The following SLC19A1 variants were observed in gnomAD, a reference collection of about 807,000 sequenced individuals.
The protein encoded by SLC19A1 is solute carrier family 19 member 1, also known as reduced folate transporter.
In SLC19A1, 37 loss-of-function variants were observed where a neutral mutation model predicts 35.3. The ratio of observed to expected loss-of-function variants is 1.05; its 90% confidence interval spans 0.81 to 1.38. The LOEUF (loss-of-function observed/expected upper bound fraction) is 1.38. Among genes scored for constraint, SLC19A1 ranks in the 40% most tolerant of loss-of-function variants. The probability of loss-of-function intolerance (pLI) is 0.00; values close to 1 mark genes in which losing one functional copy is unlikely to be tolerated. For missense variants in SLC19A1, 831 were observed against 826.9 expected (o/e 1.00, Z -0.06); for synonymous variants, 460 against 398.5 (o/e 1.15, Z -1.84).
In SLC19A1 at chr21:45,517,625, T is replaced by G. The variant is rs190917220; in HGVS notation, c.1294-1485A>C. Among the ~76,000 whole-genome samples, 2 of 145,912 alleles carry G rather than the reference T, an allele frequency of 1.4e-5. No individual in the cohort carries two copies. Among genetic ancestry groups the G allele is most frequent in the East Asian group, 4.0e-4 (2 of 4,956 alleles). Reference sequence around the variant, plus strand: ...ACCATATGGGGAGCCTGGCCTCTTATCCTCACCCAGTAGTAAGAGCGTGCC... The same window carrying G: ...ACCATATGGGGAGCCTGGCCTCTTAGCCTCACCCAGTAGTAAGAGCGTGCC... On this transcript the variant is annotated intron_variant, in intron 5 of 5. Coordinates refer to ENST00000311124, the MANE Select transcript of SLC19A1 (RefSeq NM_194255.4). This position sits in a 1 kb window ranked among gnomAD's most constrained non-coding sequence, Gnocchi z 4.4.
downstream of SLC19A1, among the ~76,000 whole-genome samples, chr21:45,508,160 T>C (rs1351254606): frequency 7.0e-6 from 1 of 142,148 alleles, no homozygotes; most frequent in African/African-American, 2.7e-5. Flanking sequence ...GGTGAGTGGA[T>C]AGGTAGGTAG....
At chr21:45,527,241 G>A (rs530822986) in intron 4 of SLC19A1, among the ~76,000 whole-genome samples, 85 of 147,490 alleles carry the variant, frequency 5.8e-4, no homozygotes, top group African/African-American at 2.0e-3. Flanking sequence ...AATTGGGGGG[G>A]AGGGGGGCCT....
rs1469203854 is a variant in SLC19A1, at chr21:45,540,085, A to G, written c.-49-2077T>C. Among the ~76,000 whole-genome samples, 1 of 152,148 alleles carries G rather than the reference A, an allele frequency of 6.6e-6. No homozygotes were observed. The highest frequency in any genetic ancestry group is 1.5e-5 in the Non-Finnish European group (1 of 67,998). On this transcript the variant is annotated intron_variant, in intron 1 of 5. Transcript: ENST00000311124. The surrounding 1 kb of genome is among the most constrained non-coding windows in gnomAD (Gnocchi z 5.5). ...TTCCATGCCTCCTCAGGGCCTGTCA[A>G]CAGCTGGGAAGATCAGTGCACAAAG...
chr21:45,507,676 C>T (rs558464642), downstream of SLC19A1: 82 of 1,353,048 alleles, frequency 6.1e-5, no homozygotes, highest in Admixed American at 3.1e-4. Context: ...AGGAACAACA[C>T]GTGGTCCTTT....
upstream of SLC19A1, among the ~76,000 whole-genome samples, chr21:45,548,793 T>G (rs1182948065): frequency 6.6e-6 from 1 of 152,102 alleles, no homozygotes; most frequent in East Asian, 1.9e-4. Flanking sequence ...AACACTTAAA[T>G]AAGACGTGAA....
At chr21:45,510,475 C>T (rs1351758938), downstream of SLC19A1, among the ~76,000 whole-genome samples, 3 of 152,174 alleles carry the variant, frequency 2.0e-5, no homozygotes, top group Non-Finnish European at 4.4e-5. Context: ...GCCACGTCCC[C>T]CAGGGCATCC....
intron 4 of SLC19A1, among the ~76,000 whole-genome samples, chr21:45,529,166 A>C (rs915619209): frequency 1.3e-5 from 2 of 152,078 alleles, no homozygotes; most frequent in Non-Finnish European, 2.9e-5. Context: ...AGGGGCCCCG[A>C]GTATGGCAGG....
chr21:45,538,868 G>C (rs1236506705), intron 1 of SLC19A1, among the ~76,000 whole-genome samples: 1 of 152,128 alleles, frequency 6.6e-6, no homozygotes, highest in African/African-American at 2.4e-5. Context: ...CAACCTTGGG[G>C]ACCATCCCGC....
At chr21:45,559,152 A>G (rs962852591) in intron 1 of SLC19A1, among the ~76,000 whole-genome samples, 1 of 152,154 alleles carries the variant, frequency 6.6e-6, no homozygotes, top group East Asian at 1.9e-4. Flanking sequence ...TAAATTTGGG[A>G]ATGTCAGTGG....
chr21:45,525,615 C>T (rs2146289349), intron 5 of SLC19A1, among the ~76,000 whole-genome samples: 1 of 152,272 alleles, frequency 6.6e-6, no homozygotes, highest in East Asian at 1.9e-4. Flanking sequence ...ACGGAGGCTC[C>T]CGCCCACAAC....
At position 45,533,455 on chromosome 21, in the gene SLC19A1, C is replaced by G. The variant is rs1324826040; in HGVS notation, c.190-1307G>C. ...ACAGTCCAGAGGAAGAGGCCCCACC[C>G]CTGTGAGGCCAAGCCGCTTGCCTTG... On this transcript the variant is annotated intron_variant, in intron 2 of 5. Transcript: ENST00000311124. This position sits in a 1 kb window ranked among gnomAD's most constrained non-coding sequence, Gnocchi z 4.5. Among the ~76,000 whole-genome samples, 9 of 152,194 alleles carry G rather than the reference C, an allele frequency of 5.9e-5. No homozygotes were observed. The highest frequency in any genetic ancestry group is 1.3e-4 in the Non-Finnish European group (9 of 68,010).
rs549433809 is a variant in SLC19A1, at chr21:45,531,917, A to T, written c.421T>A (p.Phe141Ile). Residue 141 changes from phenylalanine to isoleucine, a missense_variant, in exon 3 of 6, where the codon TTC (phenylalanine) becomes ATC (isoleucine). Phe to Ile is a conservative substitution (Grantham distance 21). Coordinates refer to ENST00000311124, the MANE Select transcript of SLC19A1 (RefSeq NM_194255.4). ...AARIAYSSYI[F>I]SLVRPARYQR... ...TAGCGCGCGGGCCGCACGAGAGAGA[A>T]GATGTAGGAGGAATAGGCGATGCGC... is the stretch of plus-strand genomic sequence containing the variant. 6.9e-6 allele frequency: 11 copies of T among 1,597,158 alleles called. No homozygotes were observed. In the East Asian group the frequency reaches 2.1e-4, roughly 30 times the overall value.
At position 45,558,997 on chromosome 21, in the gene SLC19A1, C is replaced by T. The variant is rs150938358; in HGVS notation, c.-50+3745G>A. On this transcript the variant is annotated intron_variant, in intron 1 of 5. Coordinates refer to the SLC19A1 transcript ENST00000650808. ...CTAATTTTTGTATTTTTAGTAGAGACGGGGTTTCACCATGTTGGCCAGGAT... is the reference window on the plus strand; with the variant it reads ...CTAATTTTTGTATTTTTAGTAGAGATGGGGTTTCACCATGTTGGCCAGGAT... Among the ~76,000 whole-genome samples, 21 of 151,886 alleles carry T rather than the reference C, an allele frequency of 1.4e-4. 1 individual carries two copies. The highest frequency in any genetic ancestry group is 2.1e-4 in the Non-Finnish European group (14 of 67,944).
chr21:45,516,588 C>G (rs540224001), intron 5 of SLC19A1, among the ~76,000 whole-genome samples: 2 of 152,328 alleles, frequency 1.3e-5, no homozygotes, highest in East Asian at 3.9e-4. Flanking sequence ...CAGAGCAACC[C>G]CCAGCAGCCT....
At chr21:45,543,593 G>A (rs920972349), upstream of SLC19A1, among the ~76,000 whole-genome samples, 1 of 152,262 alleles carries the variant, frequency 6.6e-6, no homozygotes, top group African/African-American at 2.4e-5. Flanking sequence ...AGCCAACACA[G>A]GGCCCTTGCC....
downstream of SLC19A1, chr21:45,510,010 TGGGTGCA>T: frequency 1.3e-6 from 2 of 1,524,968 alleles, no homozygotes; most frequent in Non-Finnish European, 1.8e-6. Flanking sequence ...GCCCGGGGCC[TGGGTGCA>T]GGGGGCAGCG....
rs1458995404 is a variant in SLC19A1 at position 45,542,398 on chromosome 21, C to A, written c.-80G>T. The A allele has an allele frequency of 6.6e-6, 1 of 151,458 alleles. No homozygotes were observed. Among genetic ancestry groups the A allele is most frequent in the Non-Finnish European group, 1.5e-5 (1 of 67,784 alleles). The allele number at this position is 151,458 out of a possible 1,614,324, so 9.4% of individuals were successfully genotyped here. On this transcript the variant is annotated 5_prime_UTR_variant, in exon 1 of 6. Coordinates refer to ENST00000311124, the MANE Select transcript of SLC19A1 (RefSeq NM_194255.4). Reference sequence around the variant, plus strand: ...ACTCGGCGGGGCGGCTGCCCTGGGGCTCCCGGACCCGGCCCCGCGCACGCG... The same window carrying A: ...ACTCGGCGGGGCGGCTGCCCTGGGGATCCCGGACCCGGCCCCGCGCACGCG...
chr21:45,505,866 T>A, intron 3 of SLC19A1: 2 of 1,581,774 alleles, frequency 1.3e-6, no homozygotes, highest in South Asian at 2.2e-5. Flanking sequence ...CGCCAGGCCA[T>A]GCTGGGCCAG....
rs202168008 is a variant in SLC19A1, at chr21:45,530,324, GGTGA to G, written c.1151+442_1151+445del. Among the ~76,000 whole-genome samples the G allele has an allele frequency of 7.6e-3, 1,116 of 146,014 alleles. 12 individuals are homozygous for G. The highest frequency in any genetic ancestry group is 0.027 in the African/African-American group (1,053 of 39,234). On this transcript the variant is annotated intron_variant, in intron 4 of 5. Transcript: ENST00000311124. This position sits in a 1 kb window ranked among gnomAD's most constrained non-coding sequence, Gnocchi z 5.3. Reference sequence around the variant, plus strand: ...GTGTGGTATGTGTTCATGAGTGTGTGGTGAGTGTCCATCTGTGCGCATGTGGTGT... The same window carrying G: ...GTGTGGTATGTGTTCATGAGTGTGTGGTGTCCATCTGTGCGCATGTGGTGT...
Sources: gnomAD v4.1 joint callset for allele counts (sites outside exome capture counted in the v4.1 genomes callset) on GRCh38, gnomAD v4.1.1 for gene constraint, Gnocchi (gnomAD v3.1) non-coding constraint, MANE v1.5 for transcripts, NCBI Gene and HGNC (gene_info 2026-07-23, HGNC 2026-07-21) for gene names.